NKAIN3: variants seen among roughly 807,000 people sequenced by gnomAD.
NKAIN3 encodes sodium/potassium transporting ATPase interacting 3, also known as sodium/potassium-transporting ATPase subunit beta-1-interacting protein 3.
A neutral mutation model predicts 30.2 loss-of-function variants in NKAIN3; 25 were observed. The observed-to-expected ratio is 0.83, with a 90% confidence interval of 0.60 to 1.16. The LOEUF is 1.16. Among genes scored for constraint, NKAIN3 ranks in the 50% most tolerant of loss-of-function variants. NKAIN3 has a pLI of 0.00. For synonymous variants in NKAIN3, 91 were observed against 89.6 expected (o/e 1.02, Z -0.09); for missense variants, 225 against 254.1 (o/e 0.89, Z 0.78).
chr8:62,764,728 T>G (rs1184405977), intron 4 of NKAIN3, among the ~76,000 whole-genome samples: 1 of 152,226 alleles, frequency 6.6e-6, no homozygotes, highest in Admixed American at 6.5e-5. Flanking sequence ...ATTAGAGTTA[T>G]AAAGAGTCAA....
chr8:62,341,448 AAAATCCC>A (rs1435296683), intron 1 of NKAIN3, among the ~76,000 whole-genome samples: 1 of 152,028 alleles, frequency 6.6e-6, no homozygotes, highest in Non-Finnish European at 1.5e-5. Context: ...GCATGTAATC[AAAATCCC>A]CTATTTTACT....
chr8:62,415,047 A>G (rs979479634), intron 1 of NKAIN3, among the ~76,000 whole-genome samples: 1 of 144,824 alleles, frequency 6.9e-6, no homozygotes, highest in Non-Finnish European at 1.5e-5. Context: ...TATTATATAT[A>G]TATATACTAT....
rs1330917250 is a variant in NKAIN3 at position 62,285,275 on chromosome 8, A to G, written c.54+36148A>G. Among the ~76,000 whole-genome samples the G allele has an allele frequency of 5.9e-5, 9 of 152,180 alleles. No individual in the cohort carries two copies. The East Asian group carries it at 1.5e-3, about 26-fold the overall frequency. On this transcript the variant is annotated intron_variant, in intron 1 of 6. Coordinates refer to ENST00000623646, the MANE Select transcript of NKAIN3 (RefSeq NM_001304533.3). ...AAAATCTTGGCAAAATAATGCTTCT[A>G]TTGGGTTGTATATTTCATGATGATG...
At chr8:62,944,559 T>C (rs1489076101) in intron 5 of NKAIN3, among the ~76,000 whole-genome samples, 1 of 152,216 alleles carries the variant, frequency 6.6e-6, no homozygotes, top group Non-Finnish European at 1.5e-5. Context: ...TTTAGACATA[T>C]TTAATTTCTC....
intron 3 of NKAIN3, among the ~76,000 whole-genome samples, chr8:62,628,681 A>T (rs1163543119): frequency 6.6e-6 from 1 of 152,116 alleles, no homozygotes; most frequent in African/African-American, 2.4e-5. Context: ...ATGTCTTTGC[A>T]TAGCTCATGC....
At chr8:62,923,864 C>T (rs1283459604) in intron 5 of NKAIN3, among the ~76,000 whole-genome samples, 2 of 152,140 alleles carry the variant, frequency 1.3e-5, no homozygotes, top group Non-Finnish European at 2.9e-5. Flanking sequence ...AGATTCCATC[C>T]CTTAAATAGG....
chr8:62,965,559 C>G lies in NKAIN3; in HGVS notation c.*152C>G, dbSNP rs987174384. The G allele has an allele frequency of 7.2e-6, 7 of 976,788 alleles. No individual in the cohort carries two copies. Among genetic ancestry groups the G allele is most frequent in the Non-Finnish European group, 7.2e-6 (6 of 828,572 alleles). The allele number at this position is 976,788 out of a possible 1,614,324, so 60.5% of individuals were successfully genotyped here. ...ATTAGCATTGTTCTCTAGATGAGTT[C>G]TAGGTGCTTGGGTGGGTATTTTTTT... On this transcript the variant is annotated 3_prime_UTR_variant, in exon 7 of 7. Transcript: ENST00000623646.
chr8:62,789,748 C>A (rs942780650), intron 4 of NKAIN3, among the ~76,000 whole-genome samples: 3 of 152,034 alleles, frequency 2.0e-5, no homozygotes, highest in Non-Finnish European at 4.4e-5. Context: ...TACACTCTCC[C>A]AAGACTAAAC....
intron 4 of NKAIN3, among the ~76,000 whole-genome samples, chr8:62,794,028 C>T (rs978221402): frequency 3.3e-5 from 5 of 152,200 alleles, no homozygotes; most frequent in African/African-American, 1.2e-4. Flanking sequence ...TGTGCTTGAA[C>T]ATCTGCTTTC....
At chr8:62,426,865 G>A (rs1251383467) in intron 1 of NKAIN3, among the ~76,000 whole-genome samples, 3 of 151,968 alleles carry the variant, frequency 2.0e-5, no homozygotes, top group Non-Finnish European at 4.4e-5. Context: ...CTGGCTAGCA[G>A]GAAGAAATTA....
chr8:62,813,543 T>C (rs1284844804), intron 4 of NKAIN3, among the ~76,000 whole-genome samples: 1 of 151,618 alleles, frequency 6.6e-6, no homozygotes, highest in African/African-American at 2.4e-5. Context: ...CTGTATATTT[T>C]CATTGGGGAA....
chr8:62,826,276 G>GTGTGTGTT (rs1161059698), intron 4 of NKAIN3, among the ~76,000 whole-genome samples: 5 of 149,094 alleles, frequency 3.4e-5, no homozygotes, highest in Admixed American at 6.6e-5. Context: ...AGTGGTGTGT[G>GTGTGTGTT]TGAGTGTTTG....
At chr8:62,918,583 C>T in intron 5 of NKAIN3, 70 bp downstream of exon 5, 1 of 986,080 alleles carries the variant, frequency 1.0e-6, no homozygotes, top group Non-Finnish European at 1.6e-6. Context: ...CTAATCATTA[C>T]AGGGCTATGA....
At chr8:62,450,283 A>T (rs1805602529) in intron 1 of NKAIN3, among the ~76,000 whole-genome samples, 1 of 152,144 alleles carries the variant, frequency 6.6e-6, no homozygotes. Flanking sequence ...TGAGGATAGG[A>T]TCCCTTGTTA....
At chr8:62,890,135 C>T (rs1563614201) in intron 4 of NKAIN3, among the ~76,000 whole-genome samples, 1 of 152,178 alleles carries the variant, frequency 6.6e-6, no homozygotes, top group Non-Finnish European at 1.5e-5. Context: ...CTTCTTCAAT[C>T]AGTTGATCTG....
intron 1 of NKAIN3, among the ~76,000 whole-genome samples, chr8:62,569,006 A>G (rs1809841068): frequency 6.6e-6 from 1 of 152,180 alleles, no homozygotes; most frequent in African/African-American, 2.4e-5. Context: ...GCCACCAGGG[A>G]TGGTACTAAA....
At chr8:62,639,139 G>A (rs545067866) in intron 3 of NKAIN3, among the ~76,000 whole-genome samples, 1 of 152,274 alleles carries the variant, frequency 6.6e-6, no homozygotes, top group African/African-American at 2.4e-5. Flanking sequence ...GACAGACACA[G>A]GAAAGCAGAC....
chr8:62,480,283 A>C (rs569998232), intron 1 of NKAIN3, among the ~76,000 whole-genome samples: 45 of 152,180 alleles, frequency 3.0e-4, no homozygotes, highest in Non-Finnish European at 5.6e-4. Context: ...CACACACAAA[A>C]AAATGATAGC....
intron 4 of NKAIN3, among the ~76,000 whole-genome samples, chr8:62,755,464 C>A (rs886915124): frequency 6.6e-6 from 1 of 152,112 alleles, no homozygotes; most frequent in African/African-American, 2.4e-5. Flanking sequence ...TCTCAACAGC[C>A]TTTCTGATCA....
Sources: allele counts gnomAD v4.1 joint callset (sites outside exome capture counted in the v4.1 genomes callset), GRCh38; gene constraint gnomAD v4.1.1; transcripts MANE v1.5; gene names NCBI Gene and HGNC (gene_info 2026-07-23, HGNC 2026-07-21).